SPAG17: variants seen among roughly 807,000 people sequenced by gnomAD.
SPAG17 encodes sperm-associated antigen 17.
SPAG17 carries 169 observed loss-of-function variants against 273.6 expected under a neutral mutation model. That is an observed-to-expected ratio of 0.62 (90% CI 0.55 to 0.70). SPAG17 has a LOEUF of 0.70. Among genes scored for constraint, SPAG17 ranks in the 30% least tolerant of loss-of-function variants. The probability of loss-of-function intolerance (pLI) is 0.00; values close to 1 mark genes in which losing one functional copy is unlikely to be tolerated. For synonymous variants in SPAG17, 825 were observed against 873.2 expected (o/e 0.94, Z 0.97); for missense variants, 2,557 against 2,627.8 (o/e 0.97, Z 0.59).
intron 3 of SPAG17, among the ~76,000 whole-genome samples, chr1:118,149,877 G>GT (rs1286107089): frequency 2.0e-5 from 3 of 152,186 alleles, no homozygotes; most frequent in Non-Finnish European, 2.9e-5. Context: ...CTTGAAAGCT[G>GT]TAAGTTAGAT....
chr1:118,073,974 T>C lies in SPAG17; in HGVS notation c.2272-7A>G, dbSNP rs751969894. ...CCATCATCTTCTTGGGTTTCTAAAA[T>C]ATCATAGGAACACAATTTCAGCTTT... On this transcript the variant is annotated splice_polypyrimidine_tract_variant and splice_region_variant and intron_variant, in intron 16 of 48. Coordinates refer to ENST00000336338, the MANE Select transcript of SPAG17 (RefSeq NM_206996.4). 1.3e-6 allele frequency: 2 copies of C among 1,535,892 alleles called. No homozygotes were observed. Among genetic ancestry groups the C allele is most frequent in the Non-Finnish European group, 1.7e-6 (2 of 1,148,860 alleles).
At chr1:118,128,059 T>C (rs1657837889) in intron 3 of SPAG17, among the ~76,000 whole-genome samples, 1 of 152,072 alleles carries the variant, frequency 6.6e-6, no homozygotes, top group Admixed American at 6.5e-5. Context: ...GAGGCGGATG[T>C]TGCAGTGGGC....
intron 19 of SPAG17, among the ~76,000 whole-genome samples, chr1:118,055,257 C>A (rs1651535362): frequency 6.6e-6 from 1 of 152,096 alleles, no homozygotes; most frequent in Admixed American, 6.6e-5. Flanking sequence ...TCTCTTTCCC[C>A]ATTATCTTTA....
At chr1:118,148,351 A>T (rs1251079510) in intron 3 of SPAG17, among the ~76,000 whole-genome samples, 1 of 152,188 alleles carries the variant, frequency 6.6e-6, no homozygotes, top group Admixed American at 6.5e-5. Flanking sequence ...AGTTGTCACA[A>T]AGAGCGAAAA....
At chr1:117,954,750 T>A in intron 48 of SPAG17, 2 of 1,022,506 alleles carry the variant, frequency 2.0e-6, no homozygotes, top group Non-Finnish European at 2.9e-6. Flanking sequence ...TTCAAAAGTC[T>A]CTTTTGAATC....
chr1:117,974,529 TA>T (rs552448026), intron 43 of SPAG17, among the ~76,000 whole-genome samples: 193 of 150,042 alleles, frequency 1.3e-3, no homozygotes, highest in Middle Eastern at 6.9e-3. Flanking sequence ...AACTAATGAG[TA>T]AAAAAAAAAT....
intron 42 of SPAG17, 115 bp downstream of exon 42, chr1:117,983,696 C>T: frequency 1.9e-6 from 1 of 526,062 alleles, no homozygotes; most frequent in African/African-American, 1.9e-5. Flanking sequence ...CTGTCATATG[C>T]AGGTCACTGT....
chr1:118,142,083 C>T (rs1031644907), intron 3 of SPAG17, among the ~76,000 whole-genome samples: 2 of 151,008 alleles, frequency 1.3e-5, no homozygotes, highest in African/African-American at 2.4e-5. Flanking sequence ...AAGCAACCCA[C>T]GTGTCCACTA....
At chr1:117,966,861 T>A (rs1446582795) in intron 46 of SPAG17, 108 bp from the exon 47 acceptor site, 2 of 977,782 alleles carry the variant, frequency 2.0e-6, no homozygotes, top group Non-Finnish European at 2.9e-6. Flanking sequence ...TTTGGTTTCT[T>A]CATCTATAAA....
intron 45 of SPAG17, among the ~76,000 whole-genome samples, chr1:117,971,098 A>G (rs1262301696): frequency 6.6e-6 from 1 of 152,144 alleles, no homozygotes; most frequent in East Asian, 1.9e-4. Context: ...AATCACAAAC[A>G]TTCTTGAAGG....
intron 38 of SPAG17, among the ~76,000 whole-genome samples, chr1:117,989,764 G>T (rs912828689): frequency 6.6e-6 from 1 of 151,800 alleles, no homozygotes; most frequent in Non-Finnish European, 1.5e-5. Flanking sequence ...ATTTTCCATA[G>T]AGATGGGGTT....
rs943943787 is a variant in SPAG17, at chr1:118,086,670, C to G, written c.1611+1G>C. Reference sequence around the variant, plus strand: ...CCTTGGGCTAACCTGATTATTATTACCTGTAGTGCGTACTTCTTGTGGGCG... The same window carrying G: ...CCTTGGGCTAACCTGATTATTATTAGCTGTAGTGCGTACTTCTTGTGGGCG... On this transcript the variant is annotated splice_donor_variant, in intron 12 of 48. Coordinates refer to ENST00000336338, the MANE Select transcript of SPAG17 (RefSeq NM_206996.4). LOFTEE classifies it high-confidence loss of function. The G allele has an allele frequency of 6.2e-7, 1 of 1,613,558 alleles. No individual in the cohort carries two copies. Among genetic ancestry groups the G allele is most frequent in the Non-Finnish European group, 8.5e-7 (1 of 1,179,522 alleles).
chr1:118,175,091 C>T (rs186249884), intron 1 of SPAG17, among the ~76,000 whole-genome samples: 114 of 152,104 alleles, frequency 7.5e-4, no homozygotes, highest in East Asian at 7.2e-3. Flanking sequence ...AGTGCAGTGG[C>T]GCAATCTTGG....
chr1:118,175,526 A>G (rs1009942572), intron 1 of SPAG17, among the ~76,000 whole-genome samples: 11 of 151,122 alleles, frequency 7.3e-5, no homozygotes, highest in Non-Finnish European at 1.6e-4. Flanking sequence ...AAACTTCTCA[A>G]TGGGAACTAT....
chr1:118,153,133 C>A (rs1659479669), intron 1 of SPAG17, among the ~76,000 whole-genome samples: 1 of 152,198 alleles, frequency 6.6e-6, no homozygotes, highest in Admixed American at 6.5e-5. Flanking sequence ...CATTACCCAT[C>A]TACTTATTAG....
chr1:117,961,566 T>A (rs1452814138), intron 48 of SPAG17: 1 of 152,228 alleles, frequency 6.6e-6, no homozygotes, highest in Non-Finnish European at 1.5e-5. Context: ...GATTTAAAAC[T>A]ATGGTTTCTG....
chr1:117,991,344 C>A (rs1009266102), intron 37 of SPAG17, 71 bp downstream of exon 37: 2 of 904,322 alleles, frequency 2.2e-6, no homozygotes, highest in Non-Finnish European at 3.3e-6. Context: ...CTATTTCTTA[C>A]GATATTTTGT....
intron 48 of SPAG17, chr1:117,959,572 C>A: frequency 9.4e-7 from 1 of 1,059,572 alleles, no homozygotes; most frequent in Non-Finnish European, 1.3e-6. Flanking sequence ...CAGATGATAT[C>A]AGGATGTGGT....
intron 1 of SPAG17, among the ~76,000 whole-genome samples, chr1:118,154,333 G>C (rs1659539397): frequency 2.0e-5 from 3 of 152,170 alleles, no homozygotes; most frequent in African/African-American, 4.8e-5. Context: ...CAGAACCTGA[G>C]CAAACATGAC....
Sources: gnomAD v4.1 joint callset for allele counts (sites outside exome capture counted in the v4.1 genomes callset) on GRCh38, gnomAD v4.1.1 for gene constraint, MANE v1.5 for transcripts, NCBI Gene and HGNC (gene_info 2026-07-23, HGNC 2026-07-21) for gene names.